CPNE7: variants seen among roughly 807,000 people sequenced by gnomAD.
CPNE7 encodes the protein copine-7.
CPNE7 carries 78 observed loss-of-function variants against 66.5 expected under a neutral mutation model. The ratio of observed to expected loss-of-function variants is 1.17; its 90% CI spans 0.98 to 1.42. CPNE7 has a LOEUF of 1.42. Among genes scored for constraint, CPNE7 ranks in the 40% most tolerant of loss-of-function variants. CPNE7 has a pLI of 0.00. For missense variants in CPNE7, 1,012 were observed against 776.6 expected, an observed-to-expected ratio of 1.30 and a Z score of -3.60; for synonymous variants, 468 against 336.7, an observed-to-expected ratio of 1.39 and a Z score of -4.27.
intron 1 of CPNE7, among the ~76,000 whole-genome samples, chr16:89,576,722 G>A (rs1002597394): frequency 6.6e-6 from 1 of 152,170 alleles, no homozygotes; most frequent in Non-Finnish European, 1.5e-5. Context: ...ACCCCAGTCC[G>A]CGCGGGGCGC....
At chr16:89,581,519 C>T (rs145934107) in intron 2 of CPNE7, among the ~76,000 whole-genome samples, 213 of 152,376 alleles carry the variant, frequency 1.4e-3, no homozygotes, top group African/African-American at 4.8e-3. Context: ...GACTCATCCC[C>T]CTGCAGCCTC....
chr16:89,583,669 C>G (rs1482132637), intron 2 of CPNE7, 28 bp from the exon 3 acceptor site: 1 of 1,612,510 alleles, frequency 6.2e-7, no homozygotes, highest in Non-Finnish European at 8.5e-7. Flanking sequence ...CCGCCTGCCC[C>G]TCCCTGCCTG....
At chr16:89,596,140 A>G (rs1449608510) in intron 14 of CPNE7, among the ~76,000 whole-genome samples, 2 of 152,286 alleles carry the variant, frequency 1.3e-5, no homozygotes, top group Non-Finnish European at 2.9e-5. Context: ...ACGCAGTGAA[A>G]CATGCATATT....
At chr16:89,577,782 A>C (rs575255442) in intron 2 of CPNE7, 61 bp downstream of exon 2, 1 of 1,511,492 alleles carries the variant, frequency 6.6e-7, no homozygotes, top group East Asian at 2.4e-5. Context: ...CAGCCGATTC[A>C]AGGCTGATGT....
rs1243533590 is a variant in CPNE7, at chr16:89,576,017, C to G, written c.120C>G (p.Thr40=). 3.7e-6 allele frequency: 5 copies of G among 1,358,992 alleles called. No individual in the cohort carries two copies. Among genetic ancestry groups the G allele is most frequent in the Non-Finnish European group, 4.7e-6 (5 of 1,055,078 alleles). 84.2% of individuals were successfully genotyped at this position (1,358,992 alleles called of 1,614,324 possible). A position where few individuals can be genotyped will look rare whatever the true frequency, so the allele number is the denominator to read the frequency against. The stretch of plus-strand genomic sequence containing the variant: ...ACCTGCTGGACCGCGACCCGCTCAC[C>G]AAGTCCGACCCCAGCGTGGCGTTGC... ...CRHLLDRDPL[T]KSDPSVALLQ... Residue 40 remains threonine (T), a synonymous_variant, in exon 1 of 15, where the codon ACC becomes ACG. Transcript: ENST00000319518.
chr16:89,576,744 C>CCCGGCGCAGGGGTCTCTCCAGGCT (rs2058866495), intron 1 of CPNE7, among the ~76,000 whole-genome samples: 1 of 152,162 alleles, frequency 6.6e-6, no homozygotes, highest in East Asian at 1.9e-4. Flanking sequence ...AGCGCTTTTC[C>CCCGGCGCAGGGGTCTCTCCAGGCT]CCGGCGCAGG....
rs148081727 is a variant in CPNE7 at position 89,596,618 on chromosome 16, G to A, written c.1674G>A (p.Pro558=). 5,360 of 1,599,142 alleles carry A rather than the reference G, an allele frequency of 3.4e-3. 9 individuals are homozygous for A. Among genetic ancestry groups the A allele is most frequent in the Non-Finnish European group, 4.3e-3 (5,021 of 1,176,916 alleles). The part of the protein sequence containing the change: ...PAGEASPGCT[P] ...GAGAGGCCAGCCCAGGCTGCACACC[G>A]TGAAGATGTGGAGGGCGTAGGGTGG... Residue 558 remains proline, a synonymous_variant, in exon 15 of 15, where the codon CCG becomes CCA. Coordinates refer to ENST00000319518, the MANE Select transcript of CPNE7 (RefSeq NM_153636.3).
At chr16:89,595,320 G>A (rs1157057788) in intron 13 of CPNE7, 47 bp from the exon 14 acceptor site, 1 of 1,484,626 alleles carries the variant, frequency 6.7e-7, no homozygotes, top group African/African-American at 1.4e-5. Context: ...GGGCGCATGT[G>A]GGCCATGGCA....
At chr16:89,596,350 A>C (rs992304513) in intron 14 of CPNE7, 134 bp from the exon 15 acceptor site, 2 of 1,238,462 alleles carry the variant, frequency 1.6e-6, no homozygotes, top group African/African-American at 3.1e-5. Context: ...CCCGGCACCC[A>C]GGTGAGCCTC....
At position 89,591,027 on chromosome 16, in the gene CPNE7, C is replaced by G; in HGVS notation, c.1137C>G (p.Ile379Met). 1 of 1,613,694 alleles carries G rather than the reference C, an allele frequency of 6.2e-7. No individual in the cohort carries two copies. The highest frequency in any genetic ancestry group is 8.5e-7 in the Non-Finnish European group (1 of 1,179,882). ...PKYEVSHDFA[I>M]NFNPEDDECE... ...CCCAGGTGTCCCATGACTTTGCCATCAATTTCAACCCTGAGGACGATGAGT... is the reference window on the plus strand; with the variant it reads ...CCCAGGTGTCCCATGACTTTGCCATGAATTTCAACCCTGAGGACGATGAGT... Residue 379 changes from isoleucine to methionine, a missense_variant, in exon 12 of 15, where the codon ATC (isoleucine) becomes ATG (methionine). Ile to Met is a conservative substitution (Grantham distance 10). Transcript: ENST00000319518.
chr16:89,591,494 C>G (rs563417782), intron 13 of CPNE7, among the ~76,000 whole-genome samples: 1 of 152,216 alleles, frequency 6.6e-6, no homozygotes, highest in African/African-American at 2.4e-5. Flanking sequence ...ATGGCTGCAG[C>G]GAGGCTGCCC....
rs375080791 is a variant in CPNE7 at position 89,587,030 on chromosome 16, C to T, written c.868-13C>T. On this transcript the variant is annotated splice_polypyrimidine_tract_variant and intron_variant, in intron 8 of 14. Transcript: ENST00000319518. ...CCCTGGCGGGGGTGGACGCTGACTC[C>T]GCCGGCCGGAAGTTCCACAGGGTGT... 267 of 1,573,684 alleles carry T rather than the reference C, an allele frequency of 1.7e-4. No individual in the cohort carries two copies. Among genetic ancestry groups the T allele is most frequent in the South Asian group, 9.5e-4 (82 of 86,216 alleles).
In CPNE7 at chr16:89,584,407, G is replaced by A. The variant is rs2059003730; in HGVS notation, c.507+305G>A. ...CCCCGAGGCCACTGTCGTGACAGGA[G>A]GAACTGGAACAGCGCGCGGTTCTGC... On this transcript the variant is annotated intron_variant, in intron 4 of 14. Transcript: ENST00000319518. This position sits in a 1 kb window ranked among gnomAD's most constrained non-coding sequence, Gnocchi z 6.0. Among the ~76,000 whole-genome samples the A allele has an allele frequency of 1.3e-5, 2 of 152,258 alleles. No homozygotes were observed. The highest frequency in any genetic ancestry group is 4.8e-5 in the African/African-American group (2 of 41,470).
intron 10 of CPNE7, among the ~76,000 whole-genome samples, chr16:89,589,358 C>T (rs74037229): frequency 0.026 from 3,966 of 152,322 alleles, 151 homozygotes; most frequent in African/African-American, 0.087. Context: ...AGACTCTGCA[C>T]ATGGTCCTGG....
chr16:89,578,026 C>G lies in CPNE7; in HGVS notation c.357+305C>G, dbSNP rs1005320987. ...AGAGAGAGATTTTCACAGGAGCAAA[C>G]CAGCCTATCACTTTTCCTCTTTTTT... is the stretch of plus-strand genomic sequence containing the variant. On this transcript the variant is annotated intron_variant, in intron 2 of 14. Coordinates refer to ENST00000319518, the MANE Select transcript of CPNE7 (RefSeq NM_153636.3). Among the ~76,000 whole-genome samples the G allele has an allele frequency of 3.9e-5, 6 of 152,136 alleles. No individual in the cohort carries two copies. In the South Asian group the frequency reaches 1.3e-3, roughly 32 times the overall value.
At chr16:89,587,920 ACCCGCGTGTCACCCACAGATACACGGC>A (rs2059099420) in intron 9 of CPNE7, among the ~76,000 whole-genome samples, 1 of 45,472 alleles carries the variant, frequency 2.2e-5, no homozygotes, top group Non-Finnish European at 4.3e-5. Context: ...CCCCCGTGTC[ACCCGCGTGTCACCCACAGATACACGGC>A]CCCCCGTGTT....
rs117314342 is a variant in CPNE7 at position 89,594,560 on chromosome 16, G to A, written c.1303-807G>A. Among the ~76,000 whole-genome samples, 411 of 150,158 alleles carry A rather than the reference G, an allele frequency of 2.7e-3. 3 individuals are homozygous for A. The highest frequency in any genetic ancestry group is 0.024 in the East Asian group (122 of 5,048). ...AGCCCTGCTTCTCTTTATGTTTCCC[G>A]TTGTCCACAGTTTGGGCAAGATTAT... On this transcript the variant is annotated intron_variant, in intron 13 of 14. Coordinates refer to ENST00000319518, the MANE Select transcript of CPNE7 (RefSeq NM_153636.3).
At chr16:89,592,889 T>C (rs1366460464) in intron 13 of CPNE7, among the ~76,000 whole-genome samples, 1 of 142,484 alleles carries the variant, frequency 7.0e-6, no homozygotes, top group Non-Finnish European at 1.5e-5. Flanking sequence ...CTCGGCTCAC[T>C]GCAAGCTCCG....
At chr16:89,576,258 G>A (rs1038775534) in intron 1 of CPNE7, among the ~76,000 whole-genome samples, 187 bp downstream of exon 1, 1 of 151,828 alleles carries the variant, frequency 6.6e-6, no homozygotes, top group Non-Finnish European at 1.5e-5. Context: ...CAGAGCTGTG[G>A]GGAGAGGCTG....
Sources: allele counts gnomAD v4.1 joint callset (sites outside exome capture counted in the v4.1 genomes callset), GRCh38; gene constraint gnomAD v4.1.1; non-coding constraint Gnocchi (gnomAD v3.1); transcripts MANE v1.5; gene names NCBI Gene and HGNC (gene_info 2026-07-23, HGNC 2026-07-21).